Variants in ABCD4 observed in about 807,000 individuals in gnomAD.
ABCD4 encodes the protein lysosomal cobalamin transporter ABCD4.
Under a neutral mutation model 86.3 loss-of-function variants are expected in ABCD4, and 53 were observed. The observed-to-expected ratio is 0.61, with a 90% CI of 0.49 to 0.77. ABCD4 has a LOEUF of 0.77. Ranked by LOEUF, ABCD4 falls within the 30% of genes least tolerant of loss-of-function variation. ABCD4 has a pLI of 0.00. For missense variants in ABCD4, 757 were observed against 764.5 expected, an observed-to-expected ratio of 0.99 and a Z score of 0.12; for synonymous variants, 328 against 313.6, an observed-to-expected ratio of 1.05 and a Z score of -0.49.
intron 4 of ABCD4, 41 bp downstream of exon 4, chr14:74,297,889 G>A (rs367971345): frequency 1.1e-5 from 18 of 1,585,548 alleles, no homozygotes; most frequent in Non-Finnish European, 1.5e-5. Flanking sequence ...AGAAGGAAAG[G>A]ACCACACAGA....
rs1393448829 is a variant in ABCD4 at position 74,290,570 on chromosome 14, C to G, written c.1119-71G>C. The G allele has an allele frequency of 5.0e-6, 6 of 1,206,248 alleles. 1 individual carries two copies. In the South Asian group the frequency reaches 6.2e-5, roughly 12 times the overall value. The allele number at this position is 1,206,248 out of a possible 1,614,324, so 74.7% of individuals were successfully genotyped here. ...GTATTGCTGTGGGGGAGGCACTGCT[C>G]CCGGGAGCCACCACCTGTGGATTAT... On this transcript the variant is annotated intron_variant, in intron 11 of 18. Coordinates refer to ENST00000356924, the MANE Select transcript of ABCD4 (RefSeq NM_005050.4).
intron 3 of ABCD4, chr14:74,299,264 T>G: frequency 1.1e-5 from 3 of 272,880 alleles, no homozygotes; most frequent in Non-Finnish European, 1.4e-5. Context: ...GAAATAAGAG[T>G]TCTAGGAAGG....
rs2079584774 is a variant in ABCD4, at chr14:74,285,577, A to C, written c.*884T>G. The C allele has an allele frequency of 6.6e-6, 1 of 152,252 alleles. No homozygotes were observed. The highest frequency in any genetic ancestry group is 1.5e-5 in the Non-Finnish European group (1 of 68,040). 9.4% of individuals were successfully genotyped at this position (152,252 alleles called of 1,614,324 possible). ...AAGCCTGGCAAAAATTATGAAGGTA[A>C]GGAAGGTAATACATAGACAACTGAA... On this transcript the variant is annotated 3_prime_UTR_variant, in exon 19 of 19. Coordinates refer to ENST00000356924, the MANE Select transcript of ABCD4 (RefSeq NM_005050.4).
chr14:74,295,050 C>T, intron 7 of ABCD4, 98 bp downstream of exon 7: 1 of 1,452,672 alleles, frequency 6.9e-7, no homozygotes, highest in Non-Finnish European at 9.6e-7. Flanking sequence ...AACACTCAGC[C>T]CCTGAGCTCG....
chr14:74,302,143 T>C (rs563167658), intron 1 of ABCD4, among the ~76,000 whole-genome samples: 35 of 151,932 alleles, frequency 2.3e-4, no homozygotes, highest in African/African-American at 7.7e-4. Context: ...AATGCAACAA[T>C]ATGCACAAGG....
chr14:74,286,284 A>G lies in ABCD4; in HGVS notation c.*177T>C. 1.6e-6 allele frequency: 1 copy of G among 630,286 alleles called. No homozygotes were observed. The highest frequency in any genetic ancestry group is 2.8e-6 in the Non-Finnish European group (1 of 363,542). 39.0% of individuals were successfully genotyped at this position (630,286 alleles called of 1,614,324 possible). On this transcript the variant is annotated 3_prime_UTR_variant, in exon 19 of 19. Coordinates refer to ENST00000356924, the MANE Select transcript of ABCD4 (RefSeq NM_005050.4). ...CACTGGGAGATTCAGTGTCCCCCACAGAAACCTAGACCTGGGCTCAGCCCA... is the reference window on the plus strand; with the variant it reads ...CACTGGGAGATTCAGTGTCCCCCACGGAAACCTAGACCTGGGCTCAGCCCA...
chr14:74,286,212 A>T lies in ABCD4; in HGVS notation c.*249T>A. On this transcript the variant is annotated 3_prime_UTR_variant, in exon 19 of 19. Coordinates refer to ENST00000356924, the MANE Select transcript of ABCD4 (RefSeq NM_005050.4). ...TCATTTGTAGGTAATCAGCACTTCA[A>T]GCATATGGAGGCTCTGGCTGAGGCA... 2.2e-6 allele frequency: 1 copy of T among 451,994 alleles called. No homozygotes were observed. The highest frequency in any genetic ancestry group is 3.6e-5 in the East Asian group (1 of 27,628). 28.0% of individuals were successfully genotyped at this position (451,994 alleles called of 1,614,324 possible).
Position 74,288,719 on chromosome 14 carries a change from G to T in ABCD4, c.1503C>A (p.Gly501=), listed in dbSNP as rs757278296. 1.8e-5 allele frequency: 29 copies of T among 1,613,260 alleles called. No individual in the cohort carries two copies. The highest frequency in any genetic ancestry group is 2.2e-5 in the Non-Finnish European group (26 of 1,179,792). The change falls in exon 15 of 19, where the codon GGC becomes GGA. Residue 501 remains glycine, a synonymous_variant. Coordinates refer to ENST00000356924, the MANE Select transcript of ABCD4 (RefSeq NM_005050.4). The part of the protein sequence containing the change: ...ERILRFLELA[G]LSNLVARTEG... ...GAGGGTCCCTCTCCCCACTTACCAG[G>T]CCTGCCAATTCCAAGAACCTCAAGA...
chr14:74,289,935 C>A, intron 13 of ABCD4, 92 bp downstream of exon 13: 2 of 1,594,044 alleles, frequency 1.3e-6, no homozygotes, highest in South Asian at 2.3e-5. Context: ...TGCCCTGACT[C>A]TAGGACCTGA....
intron 18 of ABCD4, 49 bp downstream of exon 18, chr14:74,286,652 G>T: frequency 6.2e-7 from 1 of 1,613,352 alleles, no homozygotes; most frequent in Non-Finnish European, 8.5e-7. Context: ...GCCAGGCTGA[G>T]CCTTTGGGTT....
chr14:74,300,173 G>A lies in ABCD4; in HGVS notation c.134C>T (p.Thr45Ile), dbSNP rs777975397. 3 of 1,613,340 alleles carry A rather than the reference G, an allele frequency of 1.9e-6. No homozygotes were observed. Among genetic ancestry groups the A allele is most frequent in the Non-Finnish European group, 2.5e-6 (3 of 1,179,656 alleles). Residue 45 changes from threonine to isoleucine, a missense_variant, in exon 2 of 19, where the codon ACC (threonine) becomes ATC (isoleucine). Thr to Ile is a moderately conservative substitution (Grantham distance 89). Transcript: ENST00000356924. ...ACCCAGTAGGGTCAGGCACAAAAGG[G>A]TCAGGAACATCAAGGCATTTTGTGA... ...WSSQNALMFL[T>I]LLCLTLLEQF...
At position 74,290,514 on chromosome 14, in the gene ABCD4, A is replaced by G; in HGVS notation, c.1119-15T>C. ...ACCCTGGGGGTCTGTGTCAGAGAAGAGAGGGGGCGTGAGGAAGATGGGCAG... is the reference window on the plus strand; with the variant it reads ...ACCCTGGGGGTCTGTGTCAGAGAAGGGAGGGGGCGTGAGGAAGATGGGCAG... On this transcript the variant is annotated splice_polypyrimidine_tract_variant and intron_variant, in intron 11 of 18. Transcript: ENST00000356924. 1 of 1,607,824 alleles carries G rather than the reference A, an allele frequency of 6.2e-7. No individual in the cohort carries two copies. The highest frequency in any genetic ancestry group is 1.3e-5 in the African/African-American group (1 of 74,886).
chr14:74,292,894 A>AC, intron 8 of ABCD4, 25 bp from the exon 9 acceptor site: 1 of 1,614,014 alleles, frequency 6.2e-7, no homozygotes, highest in East Asian at 2.2e-5. Context: ...TCTGTGAGAC[A>AC]CCCAGGAACC....
intron 4 of ABCD4, chr14:74,296,793 C>T (rs1566982642): frequency 4.9e-6 from 1 of 202,776 alleles, no homozygotes; most frequent in Non-Finnish European, 9.9e-6. Flanking sequence ...GAAGACTATC[C>T]CCTTTATCTC....
At chr14:74,295,099 C>T (rs775876248) in intron 7 of ABCD4, 49 bp downstream of exon 7, 12 of 1,604,668 alleles carry the variant, frequency 7.5e-6, no homozygotes, top group South Asian at 3.3e-5. Context: ...TTTCCTTCTC[C>T]ACTCTCAGCT....
At chr14:74,287,765 G>A (rs371711328) in intron 17 of ABCD4, 45 bp downstream of exon 17, 7 of 1,551,608 alleles carry the variant, frequency 4.5e-6, no homozygotes, top group Non-Finnish European at 4.4e-6. Flanking sequence ...ACACCCGTGA[G>A]TGCAGACAGC....
chr14:74,288,879 C>T (rs533175143), intron 14 of ABCD4, 114 bp from the exon 15 acceptor site: 16 of 1,333,106 alleles, frequency 1.2e-5, no homozygotes, highest in South Asian at 5.5e-5. Context: ...TTTGGGAGGC[C>T]GAGGCAGGTG....
At position 74,286,521 on chromosome 14, in the gene ABCD4, G is replaced by A; in HGVS notation, c.1761C>T (p.Ser587=). 1 of 1,614,224 alleles carries A rather than the reference G, an allele frequency of 6.2e-7. No homozygotes were observed. Among genetic ancestry groups the A allele is most frequent in the Non-Finnish European group, 8.5e-7 (1 of 1,180,040 alleles). ...CTCCTCCACAGAGTTTCAGAACCAA[G>A]GAATGAAACTACAAGAGACCACCAC... ...GHRQSLEKFH[S]LVLKLCGGGR... is the part of the protein sequence containing the mutation. Residue 587 remains serine (S), a synonymous_variant, in exon 19 of 19, where the codon TCC becomes TCT. Coordinates refer to ENST00000356924, the MANE Select transcript of ABCD4 (RefSeq NM_005050.4).
At chr14:74,287,647 T>C (rs1380334518) in intron 17 of ABCD4, among the ~76,000 whole-genome samples, 163 bp downstream of exon 17, 1 of 152,020 alleles carries the variant, frequency 6.6e-6, no homozygotes, top group Non-Finnish European at 1.5e-5. Flanking sequence ...ACTCTGACGA[T>C]GCCAGGCACT....
Sources: gnomAD v4.1 joint callset for allele counts (sites outside exome capture counted in the v4.1 genomes callset) on GRCh38, gnomAD v4.1.1 for gene constraint, MANE v1.5 for transcripts, NCBI Gene and HGNC (gene_info 2026-07-23, HGNC 2026-07-21) for gene names.